CTNNB1: variants seen among roughly 807,000 people sequenced by gnomAD.
CTNNB1 encodes the protein catenin beta 1.
A neutral mutation model predicts 82.5 loss-of-function variants in CTNNB1; 6 were observed. That is an observed-to-expected ratio of 0.07 (90% CI 0.04 to 0.14). CTNNB1 has a LOEUF of 0.14. Ranked by LOEUF, CTNNB1 falls within the 10% of genes least tolerant of loss-of-function variation. The pLI, the probability that CTNNB1 is intolerant of heterozygous loss-of-function variation, is 1.00. For synonymous variants in CTNNB1, 312 were observed against 329.7 expected (o/e 0.95, Z 0.58); for missense variants, 529 against 980.4 (o/e 0.54, Z 6.15).
rs1458355986 is a variant in CTNNB1 at position 41,239,236 on chromosome 3, A to T, written c.2240A>T (p.Asp747Val). Residue 747 changes from aspartate to valine, a missense_variant, in exon 15 of 15, where the codon GAC (aspartate) becomes GTC (valine). Coordinates refer to ENST00000349496, the MANE Select transcript of CTNNB1 (RefSeq NM_001904.4). The stretch of plus-strand genomic sequence containing the variant: ...ATGGGTGGCCACCACCCTGGTGCTG[A>T]CTATCCAGTTGATGGGCTGCCAGAT... ...HEMGGHHPGA[D>V]YPVDGLPDLG... 6.2e-7 allele frequency: 1 copy of T among 1,614,092 alleles called. No individual in the cohort carries two copies. Among genetic ancestry groups the T allele is most frequent in the Non-Finnish European group, 8.5e-7 (1 of 1,180,042 alleles).
intron 1 of CTNNB1, among the ~76,000 whole-genome samples, chr3:41,223,222 G>A (rs1462688555): frequency 6.6e-6 from 1 of 152,094 alleles, no homozygotes; most frequent in Non-Finnish European, 1.5e-5. Flanking sequence ...TAGAGGCCAT[G>A]AGCCCTTAAA....
intron 1 of CTNNB1, among the ~76,000 whole-genome samples, chr3:41,202,955 T>C (rs1397304906): frequency 6.6e-6 from 1 of 152,060 alleles, no homozygotes; most frequent in African/African-American, 2.4e-5. Flanking sequence ...ATGCATATAA[T>C]TTGCTTCCTT....
intron 13 of CTNNB1, 58 bp from the exon 14 acceptor site, chr3:41,237,958 C>G (rs1257586984): frequency 6.7e-7 from 1 of 1,481,586 alleles, no homozygotes; most frequent in Admixed American, 1.7e-5. Context: ...AATTAGTGTA[C>G]TTTTGAGAAT....
chr3:41,212,326 CT>C (rs1395089156), intron 1 of CTNNB1, among the ~76,000 whole-genome samples: 3 of 152,002 alleles, frequency 2.0e-5, no homozygotes, highest in South Asian at 4.2e-4. Flanking sequence ...ATCACCCAAC[CT>C]TTTTTTTCCC....
chr3:41,239,544 C>G lies in CTNNB1; in HGVS notation c.*202C>G. On this transcript the variant is annotated 3_prime_UTR_variant, in exon 15 of 15. Coordinates refer to ENST00000349496, the MANE Select transcript of CTNNB1 (RefSeq NM_001904.4). ...CTCAGATTTCTGGTTGTTATGTGAT[C>G]ATGTGTGGAAGTTATTAACTTTAAT... is the stretch of plus-strand genomic sequence containing the variant. 1 of 606,100 alleles carries G rather than the reference C, an allele frequency of 1.6e-6. No individual in the cohort carries two copies. Among genetic ancestry groups the G allele is most frequent in the East Asian group, 2.8e-5 (1 of 35,828 alleles). The allele number at this position is 606,100 out of a possible 1,614,324, so 37.5% of individuals were successfully genotyped here. A position where few individuals can be genotyped will look rare whatever the true frequency, so the allele number is the denominator to read the frequency against.
At chr3:41,221,551 C>G (rs1165489876) in intron 1 of CTNNB1, 1 of 152,006 alleles carries the variant, frequency 6.6e-6, no homozygotes, top group African/African-American at 2.4e-5. Flanking sequence ...GCTGTGTTGT[C>G]CAGGCTGGTC....
At chr3:41,221,779 G>C (rs1254782028) in intron 1 of CTNNB1, 1 of 152,116 alleles carries the variant, frequency 6.6e-6, no homozygotes, top group Non-Finnish European at 1.5e-5. Context: ...CCTCCCTCTT[G>C]ATTGGTACTT....
At chr3:41,207,685 C>T (rs1559455854) in intron 1 of CTNNB1, among the ~76,000 whole-genome samples, 1 of 152,148 alleles carries the variant, frequency 6.6e-6, no homozygotes, top group Admixed American at 6.5e-5. Flanking sequence ...TTTTGGTCCC[C>T]ATCTCCCACC....
chr3:41,238,999 G>A (rs2078507459), intron 14 of CTNNB1, 135 bp from the exon 15 acceptor site: 2 of 775,612 alleles, frequency 2.6e-6, no homozygotes, highest in Non-Finnish European at 4.5e-6. Context: ...GAAGAGGCTA[G>A]AAAGCGTTGT....
intron 1 of CTNNB1, among the ~76,000 whole-genome samples, chr3:41,220,158 A>T (rs1018347670): frequency 1.3e-5 from 2 of 152,034 alleles, no homozygotes; most frequent in African/African-American, 4.8e-5. Context: ...TTCTGGAAAC[A>T]TACTAATTTT....
chr3:41,236,237 TAC>T, intron 11 of CTNNB1, 110 bp from the exon 12 acceptor site: 1 of 1,206,594 alleles, frequency 8.3e-7, no homozygotes, highest in Non-Finnish European at 1.2e-6. Flanking sequence ...TATTATTTAC[TAC>T]AGTGTGAATG....
At chr3:41,235,591 T>C in intron 10 of CTNNB1, 133 bp from the exon 11 acceptor site, 2 of 1,207,710 alleles carry the variant, frequency 1.7e-6, no homozygotes, top group Non-Finnish European at 2.4e-6. Context: ...AATGGAATCC[T>C]TCTTCCTTCC....
rs2125628534 is a variant in CTNNB1, at chr3:41,227,372, C to T, written c.1081+20C>T. 2 of 1,613,074 alleles carry T rather than the reference C, an allele frequency of 1.2e-6. No homozygotes were observed. The highest frequency in any genetic ancestry group is 1.7e-6 in the Non-Finnish European group (2 of 1,179,252). On this transcript the variant is annotated intron_variant, in intron 7 of 14. Transcript: ENST00000349496. ...AAGCTGGTAAGTATATGTATCTATTCTGAGTCTTGTGTATAGCATCTGCAG... is the reference window on the plus strand; with the variant it reads ...AAGCTGGTAAGTATATGTATCTATTTTGAGTCTTGTGTATAGCATCTGCAG...
chr3:41,219,865 A>G (rs2078001216), intron 1 of CTNNB1, among the ~76,000 whole-genome samples: 1 of 152,218 alleles, frequency 6.6e-6, no homozygotes. Context: ...TGTTGGAATA[A>G]TAGACAAAAT....
intron 11 of CTNNB1, 153 bp downstream of exon 11, chr3:41,235,996 A>G (rs2125645446): frequency 1.0e-6 from 1 of 958,806 alleles, no homozygotes; most frequent in East Asian, 2.4e-5. Context: ...TAAGAGAAAC[A>G]TTGAGACTTG....
intron 9 of CTNNB1, 69 bp downstream of exon 9, chr3:41,233,936 GCTGT>G (rs756060713): frequency 6.6e-6 from 10 of 1,524,620 alleles, no homozygotes; most frequent in South Asian, 2.3e-5. Context: ...CTGTTGGATG[GCTGT>G]CTAAGCATAG....
At chr3:41,211,688 CA>C (rs1244095539) in intron 1 of CTNNB1, among the ~76,000 whole-genome samples, 3 of 152,174 alleles carry the variant, frequency 2.0e-5, no homozygotes, top group Non-Finnish European at 2.9e-5. Flanking sequence ...CACATTGCTA[CA>C]AAGGACATGA....
intron 13 of CTNNB1, 29 bp downstream of exon 13, chr3:41,236,738 G>GT: frequency 6.2e-7 from 1 of 1,613,862 alleles, no homozygotes; most frequent in Non-Finnish European, 8.5e-7. Context: ...TTATTTATCT[G>GT]GTAGTTTCCT....
chr3:41,204,106 T>A (rs532363544), intron 1 of CTNNB1, among the ~76,000 whole-genome samples: 11 of 151,830 alleles, frequency 7.2e-5, no homozygotes, highest in Non-Finnish European at 1.0e-4. Flanking sequence ...TTTTTTTTTT[T>A]AAAGGCAAGA....
Sources: allele counts gnomAD v4.1 joint callset (sites outside exome capture counted in the v4.1 genomes callset), GRCh38; gene constraint gnomAD v4.1.1; transcripts MANE v1.5; gene names NCBI Gene and HGNC (gene_info 2026-07-23, HGNC 2026-07-21).